SCN9A: variants seen among roughly 807,000 people sequenced by gnomAD.
The protein encoded by SCN9A is sodium voltage-gated channel alpha subunit 9.
Under a neutral mutation model 187.0 loss-of-function variants are expected in SCN9A, and 131 were observed. The ratio of observed to expected loss-of-function variants is 0.70; its 90% CI spans 0.61 to 0.81. The LOEUF (loss-of-function observed/expected upper bound fraction) is 0.81. Among genes scored for constraint, SCN9A ranks in the 30% least tolerant of loss-of-function variants. SCN9A has a pLI of 0.00. For synonymous variants in SCN9A, 809 were observed against 808.6 expected, an observed-to-expected ratio of 1.00 and a Z score of -0.01; for missense variants, 2,252 against 2,396.6, an observed-to-expected ratio of 0.94 and a Z score of 1.26.
chr2:166,229,619 A>G (rs80228763), intron 21 of SCN9A, among the ~76,000 whole-genome samples: 3,162 of 152,272 alleles, frequency 0.021, 120 homozygotes, highest in African/African-American at 0.073. Context: ...ACGAAATAAG[A>G]GCAATCGTTT....
chr2:166,275,653 CAAAG>C (rs1697203443), intron 16 of SCN9A, among the ~76,000 whole-genome samples: 2 of 150,832 alleles, frequency 1.3e-5, no homozygotes, highest in South Asian at 4.2e-4. Flanking sequence ...GAAGAAGAAA[CAAAG>C]AGAATGTGCA....
chr2:166,254,568 T>C (rs914494930), intron 17 of SCN9A, among the ~76,000 whole-genome samples: 4 of 151,474 alleles, frequency 2.6e-5, no homozygotes, highest in African/African-American at 9.7e-5. Flanking sequence ...ATATGTTTTT[T>C]ACTATACAAG....
chr2:166,288,523 G>T lies in SCN9A; in HGVS notation c.1228C>A (p.Gln410Lys). ...TGTTTAGCTTCTTCAATGTTTGCCT[G>T]GTTCTGTTCTTCATATGCCATGGCA... ...VVAMAYEEQNQANIEEAKQKE... is the reference protein window; with the variant it reads ...VVAMAYEEQNKANIEEAKQKE... The change falls in exon 10 of 27, where the codon CAG (glutamine) becomes AAG (lysine). Residue 410 changes from glutamine (Q) to lysine (K), a missense_variant. This residue lies in a region of SCN9A where 1,013 missense variants were observed against 997.4 expected (regional missense o/e 1.02). Transcript: ENST00000642356. 1 of 1,613,174 alleles carries T rather than the reference G, an allele frequency of 6.2e-7. No homozygotes were observed. The highest frequency in any genetic ancestry group is 8.5e-7 in the Non-Finnish European group (1 of 1,179,424).
intron 1 of SCN9A, among the ~76,000 whole-genome samples, chr2:166,312,744 CT>C (rs1008032033): frequency 2.6e-5 from 4 of 151,920 alleles, no homozygotes; most frequent in Non-Finnish European, 4.4e-5. Context: ...CATTAATGCC[CT>C]TGTACCTCTC....
Position 166,280,353 on chromosome 2 carries a change from T to C in SCN9A, c.2343+4A>G, listed in dbSNP as rs1277272634. ...GAGTACATAACACACAATAAGAGAC[T>C]TACCAAATTTCCTATAGCAAGTACA... is the stretch of plus-strand genomic sequence containing the variant. On this transcript the variant is annotated splice_donor_region_variant and intron_variant, in intron 14 of 26. Coordinates refer to ENST00000642356, the MANE Select transcript of SCN9A (RefSeq NM_001365536.1). The C allele has an allele frequency of 2.7e-6, 4 of 1,498,350 alleles. No homozygotes were observed. The highest frequency in any genetic ancestry group is 3.8e-5 in the Admixed American group (2 of 52,312). The allele number at this position is 1,498,350 out of a possible 1,614,324, so 92.8% of individuals were successfully genotyped here.
intron 24 of SCN9A, among the ~76,000 whole-genome samples, chr2:166,210,519 CAAA>C (rs34448541): frequency 3.1e-5 from 3 of 96,376 alleles, no homozygotes; most frequent in African/African-American, 4.3e-5. Flanking sequence ...AGATGGACAC[CAAA>C]AAAAAAAAAA....
upstream of SCN9A, chr2:166,375,947 G>C (rs561982435): frequency 6.6e-6 from 1 of 152,206 alleles, no homozygotes; most frequent in Non-Finnish European, 1.5e-5. Flanking sequence ...AGCAGACTGC[G>C]CCCCTCCTGC....
intron 2 of SCN9A, among the ~76,000 whole-genome samples, chr2:166,311,278 T>C (rs1182641066): frequency 7.7e-6 from 1 of 129,848 alleles, no homozygotes; most frequent in Non-Finnish European, 1.6e-5. Context: ...AGTATGCCAA[T>C]GCCAGAGCCA....
chr2:166,241,260 G>T (rs777884650), intron 19 of SCN9A, among the ~76,000 whole-genome samples: 4 of 151,990 alleles, frequency 2.6e-5, no homozygotes, highest in Non-Finnish European at 5.9e-5. Context: ...GCTCCTAATG[G>T]CTTCTAATGG....
chr2:166,309,828 T>A (rs1339177848), intron 2 of SCN9A, among the ~76,000 whole-genome samples: 1 of 148,882 alleles, frequency 6.7e-6, no homozygotes, highest in African/African-American at 2.5e-5. Flanking sequence ...GCTGGAGGCA[T>A]CACGCTACCT....
At chr2:166,314,549 A>G (rs1559037172) in intron 1 of SCN9A, among the ~76,000 whole-genome samples, 2 of 152,204 alleles carry the variant, frequency 1.3e-5, no homozygotes, top group Admixed American at 1.3e-4. Flanking sequence ...CAAAAAGTAA[A>G]CACAACCTCA....
At position 166,204,349 on chromosome 2, in the gene SCN9A, TA is replaced by T. The variant is rs1387566208; in HGVS notation, c.4503+10del. 8 of 1,592,614 alleles carry T rather than the reference TA, an allele frequency of 5.0e-6. No homozygotes were observed. Among genetic ancestry groups the T allele is most frequent in the Non-Finnish European group, 6.0e-6 (7 of 1,163,742 alleles). On this transcript the variant is annotated intron_variant, in intron 25 of 26. Coordinates refer to ENST00000642356, the MANE Select transcript of SCN9A (RefSeq NM_001365536.1). ...AAAATCTATATGCTAAAGATATATATATTTTTTTACCCCTGGTCGAGGAATT... is the reference window on the plus strand; with the variant it reads ...AAAATCTATATGCTAAAGATATATATTTTTTTTACCCCTGGTCGAGGAATT...
At chr2:166,374,850 C>A (rs767330330) in intron 1 of SCN9A, among the ~76,000 whole-genome samples, 2 of 151,912 alleles carry the variant, frequency 1.3e-5, no homozygotes, top group Non-Finnish European at 2.9e-5. Flanking sequence ...TTCTTAAAAA[C>A]CCCCCTAAGT....
chr2:166,276,961 G>T (rs201885529), intron 16 of SCN9A, 22 bp downstream of exon 16: 2 of 1,573,292 alleles, frequency 1.3e-6, no homozygotes, highest in Non-Finnish European at 1.7e-6. Flanking sequence ...AAATTAAAAT[G>T]CATGAACATC....
intron 1 of SCN9A, among the ~76,000 whole-genome samples, chr2:166,373,545 T>C (rs888301150): frequency 2.0e-5 from 3 of 151,924 alleles, no homozygotes; most frequent in Admixed American, 1.3e-4. Context: ...TATGATGAAA[T>C]AGAAATAAGT....
chr2:166,280,532 A>G lies in SCN9A; in HGVS notation c.2168T>C (p.Ile723Thr). Residue 723 changes from isoleucine to threonine, a missense_variant, in exon 14 of 27, where the codon ATC becomes ACC. By Grantham distance (89) the Ile-to-Thr change is moderately conservative. This residue lies in a region of SCN9A where 1,013 missense variants were observed against 997.4 expected (regional missense o/e 1.02). Coordinates refer to ENST00000642356, the MANE Select transcript of SCN9A (RefSeq NM_001365536.1). ...TATCCAATATGGAGAGCAATTCCAG[A>G]TCAAGAATTTGTGTGCAAATCTGTA... is the stretch of plus-strand genomic sequence containing the variant. ...WWYRFAHKFL[I>T]WNCSPYWIKF... The G allele has an allele frequency of 6.3e-7, 1 of 1,592,660 alleles. No individual in the cohort carries two copies. The highest frequency in any genetic ancestry group is 8.6e-7 in the Non-Finnish European group (1 of 1,167,632).
rs121908912 is a variant in SCN9A, at chr2:166,228,972, C to A, written c.3925G>T (p.Val1309Phe). 1 of 1,605,836 alleles carries A rather than the reference C, an allele frequency of 6.2e-7. No individual in the cohort carries two copies. The change falls in exon 22 of 27, where the codon GTC becomes TTC. Residue 1309 changes from valine (V) to phenylalanine (F), a missense_variant and splice_region_variant. Val to Phe is a conservative substitution (Grantham distance 50). This residue lies in a region of SCN9A where 368 missense variants were observed against 408.6 expected (regional missense o/e 0.90). Transcript: ENST00000642356. Reference protein sequence around the residue: ...RALSRFEGMRVVVNALIGAIP... With the variant: ...RALSRFEGMRFVVNALIGAIP... ...GCTCCTATGAGTGCATTCACAACGA[C>A]CTAGTATTCAAAAGAAAGAAAAGCA...
chr2:166,204,478 CAA>C lies in SCN9A; in HGVS notation c.4399-16_4399-15del. On this transcript the variant is annotated splice_polypyrimidine_tract_variant and intron_variant, in intron 24 of 26. Coordinates refer to ENST00000642356, the MANE Select transcript of SCN9A (RefSeq NM_001365536.1). ...TTGACCTCCAAGGTAAAGAAACAAA[CAA>C]AAAATAAATGTAGTTAAAACCAGAA... 1.6e-6 allele frequency: 1 copy of C among 611,712 alleles called. No homozygotes were observed. 37.9% of individuals were successfully genotyped at this position (611,712 alleles called of 1,614,324 possible).
intron 13 of SCN9A, among the ~76,000 whole-genome samples, chr2:166,281,074 A>C (rs1203122357): frequency 1.3e-5 from 2 of 152,162 alleles, no homozygotes; most frequent in African/African-American, 4.8e-5. Context: ...GGACTCATGA[A>C]ATAGACATTT....
Sources: gnomAD v4.1 joint callset for allele counts (sites outside exome capture counted in the v4.1 genomes callset) on GRCh38, gnomAD v4.1.1 for gene constraint, gnomAD v4.1.1 regional missense constraint, MANE v1.5 for transcripts, NCBI Gene and HGNC (gene_info 2026-07-23, HGNC 2026-07-21) for gene names.